Variants in SLC9A9 observed in about 807,000 individuals in gnomAD.
SLC9A9 encodes solute carrier family 9 member A9.
In SLC9A9, 62 loss-of-function variants were observed where a neutral mutation model predicts 77.8. The ratio of observed to expected loss-of-function variants is 0.80; its 90% confidence interval spans 0.65 to 0.98. The LOEUF is 0.98. Among genes scored for constraint, SLC9A9 ranks in the 50% least tolerant of loss-of-function variants. SLC9A9 has a pLI of 0.00. For synonymous variants in SLC9A9, 320 were observed against 283.5 expected, an observed-to-expected ratio of 1.13 and a Z score of -1.29; for missense variants, 775 against 774.9, an observed-to-expected ratio of 1.00 and a Z score of 0.00.
chr3:143,696,344 C>G (rs1172089314), intron 4 of SLC9A9, among the ~76,000 whole-genome samples: 1 of 152,096 alleles, frequency 6.6e-6, no homozygotes, highest in Admixed American at 6.6e-5. Context: ...TTATTGATCC[C>G]CTACTATGTG....
chr3:143,734,649 A>G (rs1418773772), intron 4 of SLC9A9, among the ~76,000 whole-genome samples: 4 of 149,934 alleles, frequency 2.7e-5, no homozygotes, highest in Non-Finnish European at 5.9e-5. Context: ...CAGGGGAATC[A>G]CTTGAACCCA....
chr3:143,372,458 T>C (rs890673854), intron 13 of SLC9A9, among the ~76,000 whole-genome samples: 1 of 150,634 alleles, frequency 6.6e-6, no homozygotes, highest in African/African-American at 2.4e-5. Context: ...TCTCACCTTA[T>C]AAAAAAAAAC....
At chr3:143,287,681 C>G (rs1402101659) in intron 14 of SLC9A9, among the ~76,000 whole-genome samples, 1 of 152,150 alleles carries the variant, frequency 6.6e-6, no homozygotes, top group Non-Finnish European at 1.5e-5. Flanking sequence ...AATTACTTTC[C>G]CATTTTCTGC....
At chr3:143,418,123 A>G (rs1302810868) in intron 12 of SLC9A9, among the ~76,000 whole-genome samples, 2 of 150,710 alleles carry the variant, frequency 1.3e-5, no homozygotes. Flanking sequence ...CTCACTAGTC[A>G]CAAAACTAGT....
At chr3:143,618,136 T>A (rs192642484) in intron 6 of SLC9A9, among the ~76,000 whole-genome samples, 10 of 152,166 alleles carry the variant, frequency 6.6e-5, no homozygotes, top group Middle Eastern at 3.4e-3. Context: ...GATCTTGGAG[T>A]GCTGGAACCG....
chr3:143,765,200 CTCTCTCTTTCTT>C (rs1318753886), intron 4 of SLC9A9, among the ~76,000 whole-genome samples: 1 of 148,950 alleles, frequency 6.7e-6, no homozygotes, highest in South Asian at 2.1e-4. Context: ...CTCCCTTTCT[CTCTCTCTTTCTT>C]TCTCTCTTTC....
chr3:143,679,410 C>T (rs1223315204), intron 5 of SLC9A9, among the ~76,000 whole-genome samples: 1 of 152,194 alleles, frequency 6.6e-6, no homozygotes, highest in African/African-American at 2.4e-5. Context: ...AGGGCCTAAA[C>T]CCCAACCTGA....
intron 4 of SLC9A9, among the ~76,000 whole-genome samples, chr3:143,704,816 A>G (rs1334066884): frequency 6.6e-6 from 1 of 152,064 alleles, no homozygotes; most frequent in African/African-American, 2.4e-5. Context: ...AACATGGAGA[A>G]ACCCCATCTC....
At chr3:143,530,892 G>A (rs896413462) in intron 9 of SLC9A9, among the ~76,000 whole-genome samples, 7 of 152,042 alleles carry the variant, frequency 4.6e-5, no homozygotes, top group Admixed American at 1.3e-4. Flanking sequence ...CCTCCTTTTA[G>A]CATTTTATGT....
At chr3:143,564,538 G>T (rs1235417510) in intron 8 of SLC9A9, among the ~76,000 whole-genome samples, 1 of 152,138 alleles carries the variant, frequency 6.6e-6, no homozygotes, top group East Asian at 1.9e-4. Flanking sequence ...AGTAAAAAGA[G>T]ACATTTCTGA....
intron 9 of SLC9A9, among the ~76,000 whole-genome samples, chr3:143,542,724 ATTCTC>A (rs1468059277): frequency 4.3e-4 from 66 of 152,362 alleles, no homozygotes; most frequent in African/African-American, 1.5e-3. Flanking sequence ...ATTAGCATAT[ATTCTC>A]TTCTCTATTT....
intron 12 of SLC9A9, among the ~76,000 whole-genome samples, chr3:143,437,708 C>T (rs1157615714): frequency 3.3e-5 from 5 of 152,272 alleles, no homozygotes; most frequent in African/African-American, 1.2e-4. Flanking sequence ...GAATAATTCC[C>T]CACCCCCAGT....
intron 14 of SLC9A9, chr3:143,313,200 G>A (rs1413806167): frequency 6.6e-6 from 1 of 152,294 alleles, no homozygotes; most frequent in Non-Finnish European, 1.5e-5. Flanking sequence ...TTGTTGTAGA[G>A]CCTGAGTCTG....
chr3:143,385,309 TA>T (rs1559892344), intron 12 of SLC9A9, among the ~76,000 whole-genome samples: 1 of 152,210 alleles, frequency 6.6e-6, no homozygotes, highest in Non-Finnish European at 1.5e-5. Context: ...TCTATCTATC[TA>T]ATTTAAATAT....
chr3:143,539,041 A>AT (rs60479035), intron 9 of SLC9A9, among the ~76,000 whole-genome samples: 3,056 of 150,778 alleles, frequency 0.02, 105 homozygotes, highest in African/African-American at 0.069. Context: ...TAAAGCAGAG[A>AT]TTTTTTTTTT....
intron 6 of SLC9A9, among the ~76,000 whole-genome samples, chr3:143,579,738 T>C (rs778831613): frequency 2.6e-5 from 4 of 152,148 alleles, no homozygotes; most frequent in Non-Finnish European, 5.9e-5. Context: ...ACTAGACACA[T>C]TGACTGAGAT....
At chr3:143,450,217 T>A (rs999202127) in intron 12 of SLC9A9, among the ~76,000 whole-genome samples, 1 of 138,822 alleles carries the variant, frequency 7.2e-6, no homozygotes, top group African/African-American at 2.6e-5. Flanking sequence ...AATAATAAGA[T>A]AAATATAATA....
chr3:143,659,649 G>C (rs2038949614), intron 5 of SLC9A9, among the ~76,000 whole-genome samples: 2 of 152,078 alleles, frequency 1.3e-5, no homozygotes, highest in African/African-American at 4.8e-5. Context: ...GAAAGAGAGG[G>C]GTCATATCAT....
chr3:143,814,398 A>G (rs933762938), intron 2 of SLC9A9, among the ~76,000 whole-genome samples: 5 of 152,184 alleles, frequency 3.3e-5, no homozygotes, highest in African/African-American at 1.2e-4. Flanking sequence ...GCCAAGGATC[A>G]AGGACAGAAT....
Sources: allele counts gnomAD v4.1 joint callset (sites outside exome capture counted in the v4.1 genomes callset), GRCh38; gene constraint gnomAD v4.1.1; transcripts MANE v1.5; gene names NCBI Gene and HGNC (gene_info 2026-07-23, HGNC 2026-07-21).